KIAA0586: variants seen among roughly 807,000 people sequenced by gnomAD.
KIAA0586 encodes KIAA0586.
Under a neutral mutation model 169.8 loss-of-function variants are expected in KIAA0586, and 144 were observed. That is an observed-to-expected ratio of 0.85 (90% CI 0.74 to 0.97). The LOEUF (loss-of-function observed/expected upper bound fraction) is 0.97, where lower values mean the gene tolerates loss of function less well. Among genes scored for constraint, KIAA0586 ranks in the 50% least tolerant of loss-of-function variants. The probability of loss-of-function intolerance (pLI) is 0.00; values close to 1 mark genes in which losing one functional copy is unlikely to be tolerated. For synonymous variants in KIAA0586, 625 were observed against 612.4 expected (o/e 1.02, Z -0.30); for missense variants, 1,854 against 1,823.0 (o/e 1.02, Z -0.31).
chr14:58,533,510 T>C (rs2046107191), intron 29 of KIAA0586, among the ~76,000 whole-genome samples: 1 of 152,234 alleles, frequency 6.6e-6, no homozygotes, highest in Non-Finnish European at 1.5e-5. Context: ...CTTCTGTGAA[T>C]TCTCTGGGGC....
intron 21 of KIAA0586, among the ~76,000 whole-genome samples, chr14:58,484,909 TATATATATATATA>T (rs2042312546): frequency 3.4e-5 from 1 of 29,786 alleles, no homozygotes; most frequent in African/African-American, 1.2e-4. Flanking sequence ...TATATATATA[TATATATATATATA>T]TATTTTTTTT....
At chr14:58,521,785 A>T in intron 29 of KIAA0586, 1 of 803,630 alleles carries the variant, frequency 1.2e-6, no homozygotes, top group South Asian at 1.3e-5. Context: ...GAAGAGGAGC[A>T]GAGCAGTAGT....
chr14:58,555,130 T>G (rs2047235451), downstream of KIAA0586, among the ~76,000 whole-genome samples: 1 of 145,044 alleles, frequency 6.9e-6, no homozygotes, highest in East Asian at 2.0e-4. Flanking sequence ...TGAGACAGTC[T>G]TGCTCTGTCG....
At position 58,467,793 on chromosome 14, in the gene KIAA0586, A is replaced by G. The variant is rs751830141; in HGVS notation, c.2313A>G (p.Pro771=). 1.2e-6 allele frequency: 2 copies of G among 1,613,904 alleles called. No individual in the cohort carries two copies. Among genetic ancestry groups the G allele is most frequent in the South Asian group, 2.2e-5 (2 of 91,074 alleles). Residue 771 remains proline (P), a synonymous_variant, in exon 16 of 31, where the codon CCA becomes CCG. Coordinates refer to ENST00000652326, the MANE Select transcript of KIAA0586 (RefSeq NM_001329943.3). ...MPPAGVIVSK[P]HPVTVTTSIP... ...CTGCTGGAGTGATTGTCAGCAAGCC[A>G]CACCCTGTAACTGTGACTACTTCTA...
chr14:58,501,471 G>T (rs1446508458), intron 27 of KIAA0586, among the ~76,000 whole-genome samples: 1 of 152,186 alleles, frequency 6.6e-6, no homozygotes, highest in Non-Finnish European at 1.5e-5. Context: ...AGGTATCTGA[G>T]AGCAACTAGG....
At chr14:58,450,246 G>C (rs989865674) in intron 7 of KIAA0586, among the ~76,000 whole-genome samples, 6 of 152,086 alleles carry the variant, frequency 3.9e-5, no homozygotes, top group Non-Finnish European at 8.8e-5. Flanking sequence ...CTAGGTTAAA[G>C]TATATAAAAC....
At chr14:58,558,325 A>G in the KIAA0586 span, among the ~76,000 whole-genome samples, 1 of 151,810 alleles carries the variant, frequency 6.6e-6, no homozygotes, top group African/African-American at 2.4e-5. Flanking sequence ...AAATCATGTC[A>G]TTTCAAATTT....
At chr14:58,543,156 A>G (rs1320568883) in intron 30 of KIAA0586, among the ~76,000 whole-genome samples, 1 of 151,650 alleles carries the variant, frequency 6.6e-6, no homozygotes, top group Non-Finnish European at 1.5e-5. Context: ...AAGAAAAGAA[A>G]CACCTCTGAA....
chr14:58,498,979 T>C lies in KIAA0586; in HGVS notation c.4168+19T>C. ...GTTTCAGGTAGACACCAAAATATTT[T>C]TTCTTGATGTGTCATAGTAGTATCC... is the stretch of plus-strand genomic sequence containing the variant. On this transcript the variant is annotated intron_variant, in intron 27 of 30. Coordinates refer to ENST00000652326, the MANE Select transcript of KIAA0586 (RefSeq NM_001329943.3). 1 of 1,567,796 alleles carries C rather than the reference T, an allele frequency of 6.4e-7. No homozygotes were observed. The highest frequency in any genetic ancestry group is 1.9e-5 in the Admixed American group (1 of 52,912).
chr14:58,498,359 C>T (rs1477793898), intron 26 of KIAA0586, among the ~76,000 whole-genome samples: 2 of 151,546 alleles, frequency 1.3e-5, no homozygotes, highest in African/African-American at 4.9e-5. Context: ...TATTTTTTGT[C>T]GAGACAGGGT....
In KIAA0586 at chr14:58,509,074, C is replaced by G. The variant is rs200081074; in HGVS notation, c.4323+365C>G. On this transcript the variant is annotated intron_variant, in intron 28 of 30. Transcript: ENST00000652326. ...CAAAATGCCATCTCTACAAAAAATA[C>G]AAAAATTAGCTCGGCTCCTGTAGTT... Among the ~76,000 whole-genome samples the G allele has an allele frequency of 6.6e-5, 10 of 152,086 alleles. No homozygotes were observed. In the East Asian group the frequency reaches 1.9e-3, roughly 29 times the overall value.
rs901641162 is a variant in KIAA0586 at position 58,462,384 on chromosome 14, A to T, written c.2059+1224A>T. On this transcript the variant is annotated intron_variant, in intron 14 of 30. Transcript: ENST00000652326. ...TGCCTCAGCCTCCCGAGTAGCTGGGATTACAGGCATGCGCCACAATGCCCA... is the reference window on the plus strand; with the variant it reads ...TGCCTCAGCCTCCCGAGTAGCTGGGTTTACAGGCATGCGCCACAATGCCCA... 1.9e-4 allele frequency among the ~76,000 whole-genome samples: 29 copies of T among 151,434 alleles called. No individual in the cohort carries two copies. The East Asian group carries it at 4.9e-3, about 26-fold the overall frequency.
In KIAA0586 at chr14:58,466,067, TATTTA is replaced by T. The variant is rs773697491; in HGVS notation, c.2254+39_2254+43del. On this transcript the variant is annotated intron_variant, in intron 15 of 30. Transcript: ENST00000652326. The stretch of plus-strand genomic sequence containing the variant: ...AAAATATGTGGGATGGATTTTATTT[TATTTA>T]TTTATTTGTTTGTTTGTGTGTTTAT... The T allele has an allele frequency of 2.0e-5, 28 of 1,378,624 alleles. No homozygotes were observed. The East Asian group carries it at 5.7e-4, about 28-fold the overall frequency. The allele number at this position is 1,378,624 out of a possible 1,614,324, so 85.4% of individuals were successfully genotyped here.
At chr14:58,554,928 A>T (rs924941318), downstream of KIAA0586, among the ~76,000 whole-genome samples, 1 of 151,982 alleles carries the variant, frequency 6.6e-6, no homozygotes, top group African/African-American at 2.4e-5. Context: ...CCTTTCCTGA[A>T]TGGAGAGTAG....
At chr14:58,512,000 G>A (rs1391685268) in intron 28 of KIAA0586, among the ~76,000 whole-genome samples, 1 of 152,108 alleles carries the variant, frequency 6.6e-6, no homozygotes, top group Admixed American at 6.6e-5. Context: ...AGAGATGATA[G>A]TGCTTATGGT....
chr14:58,487,879 A>AC lies in KIAA0586; in HGVS notation c.3305-6dup. 6.3e-7 allele frequency: 1 copy of AC among 1,599,390 alleles called. No homozygotes were observed. Among genetic ancestry groups the AC allele is most frequent in the South Asian group, 1.1e-5 (1 of 87,550 alleles). ...TCTTTTTCTGTCCTTTTAAAAAAAA[A>AC]CCTTTAGGAGATGATATGCCTGCCA... On this transcript the variant is annotated splice_region_variant and splice_polypyrimidine_tract_variant and intron_variant, in intron 22 of 30. Transcript: ENST00000652326.
intron 26 of KIAA0586, among the ~76,000 whole-genome samples, chr14:58,498,213 A>G (rs1297091165): frequency 6.7e-6 from 1 of 149,524 alleles, no homozygotes; most frequent in Non-Finnish European, 1.5e-5. Context: ...GTCTCACTGT[A>G]TCACCCATGC....
At chr14:58,443,230 A>T (rs2038557159) in intron 5 of KIAA0586, among the ~76,000 whole-genome samples, 1 of 152,184 alleles carries the variant, frequency 6.6e-6, no homozygotes. Context: ...CGCTTTGTAA[A>T]TAGGGAAGCA....
At chr14:58,489,207 T>C (rs2042671533) in intron 24 of KIAA0586, among the ~76,000 whole-genome samples, 1 of 145,838 alleles carries the variant, frequency 6.9e-6, no homozygotes, top group Non-Finnish European at 1.5e-5. Context: ...ACTATGCATA[T>C]TGTTTTGAAA....
Sources: gnomAD v4.1 joint callset for allele counts (sites outside exome capture counted in the v4.1 genomes callset) on GRCh38, gnomAD v4.1.1 for gene constraint, MANE v1.5 for transcripts, NCBI Gene and HGNC (gene_info 2026-07-23, HGNC 2026-07-21) for gene names.